The following CAMKMT variants were observed in gnomAD, a reference collection of about 807,000 sequenced individuals.
CAMKMT encodes the protein calmodulin-lysine N-methyltransferase.
In CAMKMT, 53 loss-of-function variants were observed where a neutral mutation model predicts 48.0. The observed-to-expected ratio is 1.10, with a 90% confidence interval of 0.89 to 1.39. The LOEUF is 1.39. CAMKMT is among the 40% of genes most tolerant of loss of function. The pLI is 0.00. For synonymous variants in CAMKMT, 165 were observed against 152.3 expected, an observed-to-expected ratio of 1.08 and a Z score of -0.61; for missense variants, 428 against 402.7, an observed-to-expected ratio of 1.06 and a Z score of -0.54.
intron 3 of CAMKMT, among the ~76,000 whole-genome samples, chr2:44,522,843 A>G (rs1671189419): frequency 1.3e-5 from 2 of 152,244 alleles, no homozygotes; most frequent in East Asian, 1.9e-4. Context: ...ACATTTTATT[A>G]TGGGGAGCAA....
intron 3 of CAMKMT, among the ~76,000 whole-genome samples, chr2:44,586,617 T>C (rs931441561): frequency 6.6e-6 from 1 of 152,224 alleles, no homozygotes; most frequent in Admixed American, 6.5e-5. Flanking sequence ...AATTCTTGCA[T>C]ATTGTAGTGT....
chr2:44,423,985 G>A (rs1207837646), intron 3 of CAMKMT, among the ~76,000 whole-genome samples: 1 of 152,098 alleles, frequency 6.6e-6, no homozygotes, highest in Non-Finnish European at 1.5e-5. Context: ...ATGTATGTGG[G>A]TGTGTATGTA....
chr2:44,586,515 A>T (rs1444233040), intron 3 of CAMKMT, among the ~76,000 whole-genome samples: 4 of 152,162 alleles, frequency 2.6e-5, no homozygotes, highest in Non-Finnish European at 5.9e-5. Flanking sequence ...ATGTAAATAG[A>T]AGCAAACAAA....
intron 3 of CAMKMT, among the ~76,000 whole-genome samples, chr2:44,636,434 G>A (rs373113066): frequency 1.8e-4 from 27 of 152,246 alleles, no homozygotes; most frequent in South Asian, 6.2e-4. Flanking sequence ...CTGAAGAGGC[G>A]GCTTGCTTCA....
At chr2:44,724,171 T>A (rs187677777) in intron 7 of CAMKMT, among the ~76,000 whole-genome samples, 1 of 152,288 alleles carries the variant, frequency 6.6e-6, no homozygotes, top group East Asian at 1.9e-4. Context: ...CTAGGGACGC[T>A]GAGGCAGGAG....
intron 3 of CAMKMT, among the ~76,000 whole-genome samples, chr2:44,444,670 T>C (rs1666873273): frequency 6.6e-6 from 1 of 152,212 alleles, no homozygotes; most frequent in Admixed American, 6.5e-5. Flanking sequence ...GGATTAATAT[T>C]CTAGTTCTTT....
At chr2:44,562,836 C>T (rs568916628) in intron 3 of CAMKMT, among the ~76,000 whole-genome samples, 2 of 152,302 alleles carry the variant, frequency 1.3e-5, no homozygotes, top group East Asian at 3.9e-4. Flanking sequence ...GCTGGGATTA[C>T]AGGCGTGAGC....
chr2:44,612,812 C>T (rs1671670796), intron 3 of CAMKMT, among the ~76,000 whole-genome samples: 1 of 152,148 alleles, frequency 6.6e-6, no homozygotes, highest in Non-Finnish European at 1.5e-5. Flanking sequence ...ACTAGTAAGA[C>T]TATTTTAATT....
Position 44,611,439 on chromosome 2 carries a change from GAAAA to G in CAMKMT, c.377-92834_377-92831del, listed in dbSNP as rs78882825. ...CAAGAGCAAGACTTTGTCCCCAAAAGAAAAAAAAAAAAAGTATCTACCCAGATAC... is the reference window on the plus strand; with the variant it reads ...CAAGAGCAAGACTTTGTCCCCAAAAGAAAAAAAAAGTATCTACCCAGATAC... On this transcript the variant is annotated intron_variant, in intron 3 of 10. Transcript: ENST00000378494. Among the ~76,000 whole-genome samples, 4 of 114,450 alleles carry G rather than the reference GAAAA, an allele frequency of 3.5e-5. No homozygotes were observed. In the South Asian group the frequency reaches 1.1e-3, roughly 31 times the overall value. 75.1% of individuals were successfully genotyped at this position (114,450 alleles called of 152,430 possible). A position where few individuals can be genotyped will look rare whatever the true frequency, so the allele number is the denominator to read the frequency against.
At chr2:44,581,557 T>A (rs952919387) in intron 3 of CAMKMT, among the ~76,000 whole-genome samples, 1 of 152,248 alleles carries the variant, frequency 6.6e-6, no homozygotes, top group Non-Finnish European at 1.5e-5. Flanking sequence ...AATAAATTAT[T>A]GCATTGGGTA....
chr2:44,584,830 G>A (rs1215286594), intron 3 of CAMKMT, among the ~76,000 whole-genome samples: 8 of 152,128 alleles, frequency 5.3e-5, no homozygotes, highest in Non-Finnish European at 8.8e-5. Context: ...TGAAGCGGGT[G>A]GATCACGAGG....
intron 3 of CAMKMT, among the ~76,000 whole-genome samples, chr2:44,398,574 T>G (rs1682072057): frequency 6.6e-6 from 1 of 150,846 alleles, no homozygotes; most frequent in South Asian, 2.1e-4. Flanking sequence ...TTTCTTTTTT[T>G]TTTTTTTTGA....
chr2:44,366,715 A>T (rs985245276), intron 1 of CAMKMT, among the ~76,000 whole-genome samples: 2 of 130,348 alleles, frequency 1.5e-5, no homozygotes, highest in Non-Finnish European at 3.5e-5. Context: ...AATAGCAGCT[A>T]TTGTTATTAT....
In CAMKMT at chr2:44,538,958, C is replaced by CTGTG. The variant is rs57970764; in HGVS notation, c.376+148695_376+148698dup. On this transcript the variant is annotated intron_variant, in intron 3 of 10. Transcript: ENST00000378494. ...TTTCTCTCTCTTTCTGTGTGTGTGT[C>CTGTG]TGTGTGTGTGTGTGTGTGTGTGTGT... Among the ~76,000 whole-genome samples the CTGTG allele has an allele frequency of 1.5e-3, 204 of 140,220 alleles. 1 individual carries two copies. The highest frequency in any genetic ancestry group is 2.4e-3 in the African/African-American group (91 of 37,786). The allele number at this position is 140,220 out of a possible 152,430, so 92.0% of individuals were successfully genotyped here. A position where few individuals can be genotyped will look rare whatever the true frequency, so the allele number is the denominator to read the frequency against.
intron 2 of CAMKMT, among the ~76,000 whole-genome samples, chr2:44,388,239 T>G (rs1030214810): frequency 2.0e-5 from 3 of 152,204 alleles, no homozygotes; most frequent in Non-Finnish European, 4.4e-5. Context: ...TTGGGTTAAT[T>G]TGAAGATCTT....
intron 3 of CAMKMT, among the ~76,000 whole-genome samples, chr2:44,671,448 G>T (rs546119134): frequency 2.6e-5 from 4 of 152,300 alleles, no homozygotes; most frequent in African/African-American, 9.6e-5. Flanking sequence ...TTAGAGCCAG[G>T]TTTCCCAGCA....
chr2:44,498,645 A>G (rs1669869310), intron 3 of CAMKMT, among the ~76,000 whole-genome samples: 1 of 152,154 alleles, frequency 6.6e-6, no homozygotes, highest in African/African-American at 2.4e-5. Context: ...GCAATACTGG[A>G]CCAACTGCGA....
At chr2:44,628,084 C>T (rs912787567) in intron 3 of CAMKMT, among the ~76,000 whole-genome samples, 1 of 151,988 alleles carries the variant, frequency 6.6e-6, no homozygotes, top group African/African-American at 2.4e-5. Context: ...GTAGCTGGGA[C>T]TACAGACACA....
At chr2:44,405,439 A>G (rs1682715871) in intron 3 of CAMKMT, among the ~76,000 whole-genome samples, 1 of 152,142 alleles carries the variant, frequency 6.6e-6, no homozygotes, top group African/African-American at 2.4e-5. Context: ...TGAGTAATGC[A>G]TAAAATGTAA....
Sources: allele counts gnomAD v4.1 joint callset (sites outside exome capture counted in the v4.1 genomes callset), GRCh38; gene constraint gnomAD v4.1.1; transcripts MANE v1.5; gene names NCBI Gene and HGNC (gene_info 2026-07-23, HGNC 2026-07-21).